Variants in ZFAND3 observed in about 807,000 individuals in gnomAD.
The protein encoded by ZFAND3 is AN1-type zinc finger protein 3.
ZFAND3 carries 10 observed loss-of-function variants against 29.6 expected under a neutral mutation model. The ratio of observed to expected loss-of-function variants is 0.34; its 90% confidence interval spans 0.21 to 0.57. ZFAND3 has a LOEUF of 0.57. Among genes scored for constraint, ZFAND3 ranks in the 20% least tolerant of loss-of-function variants. The probability of loss-of-function intolerance (pLI) is 0.86; values close to 1 mark genes in which losing one functional copy is unlikely to be tolerated. For missense variants in ZFAND3, 230 were observed against 304.5 expected (o/e 0.76, Z 1.82); for synonymous variants, 128 against 112.6 (o/e 1.14, Z -0.87).
At chr6:38,134,201 G>A (rs1196205827) in intron 5 of ZFAND3, among the ~76,000 whole-genome samples, 1 of 152,160 alleles carries the variant, frequency 6.6e-6, no homozygotes, top group Non-Finnish European at 1.5e-5. Flanking sequence ...TGGGTAATAT[G>A]AGACACAGTG....
At chr6:38,003,585 G>T in intron 2 of ZFAND3, 1 of 243,092 alleles carries the variant, frequency 4.1e-6, no homozygotes, top group Non-Finnish European at 8.3e-6. Context: ...TGCAACCCCT[G>T]CCTCTTGGGC....
In ZFAND3 at chr6:38,031,819, T is replaced by G. The variant is rs574857516; in HGVS notation, c.113-29774T>G. Among the ~76,000 whole-genome samples, 176 of 152,172 alleles carry G rather than the reference T, an allele frequency of 1.2e-3. 1 individual carries two copies. In the South Asian group the frequency reaches 0.012, roughly 10 times the overall value. On this transcript the variant is annotated intron_variant, in intron 2 of 5. Coordinates refer to ENST00000287218, the MANE Select transcript of ZFAND3 (RefSeq NM_021943.3). ...CATATGTAGACTCCAACTTACAGTTTCATATTCTGCCCCTCCCCCCCCGCC... is the reference window on the plus strand; with the variant it reads ...CATATGTAGACTCCAACTTACAGTTGCATATTCTGCCCCTCCCCCCCCGCC...
rs118091377 is a variant in ZFAND3, at chr6:37,941,918, T to C, written c.112+11919T>C. Among the ~76,000 whole-genome samples the C allele has an allele frequency of 6.3e-4, 96 of 152,350 alleles. 1 individual carries two copies. The East Asian group carries it at 0.013, about 21-fold the overall frequency. ...TGTGTATTTGCTCATTTGGAAACCT[T>C]GTATAGTTTATAGAGACACTAGTGA... On this transcript the variant is annotated intron_variant, in intron 2 of 5. Transcript: ENST00000287218.
intron 5 of ZFAND3, among the ~76,000 whole-genome samples, chr6:38,144,211 A>ATATATAAT (rs70981524): frequency 2.2e-5 from 1 of 45,880 alleles, no homozygotes. Flanking sequence ...ATATATATAT[A>ATATATAAT]ATATATAATA....
chr6:37,902,403 G>C (rs1765333985), intron 1 of ZFAND3, among the ~76,000 whole-genome samples: 1 of 152,158 alleles, frequency 6.6e-6, no homozygotes, highest in Admixed American at 6.6e-5. Flanking sequence ...AGAGGTTGAG[G>C]CTGCGGCTGT....
In ZFAND3 at chr6:38,087,377, A is replaced by ATG. The variant is rs1200334261; in HGVS notation, c.361+4921_361+4922insGT. ...TTAAACAGCTTCTGCACAGCAAAGA[A>ATG]TACAGCTAACAAAGTGAAGAGACAA... On this transcript the variant is annotated intron_variant, in intron 4 of 5. Coordinates refer to ENST00000287218, the MANE Select transcript of ZFAND3 (RefSeq NM_021943.3). Among the ~76,000 whole-genome samples the ATG allele has an allele frequency of 2.6e-5, 4 of 152,366 alleles. No individual in the cohort carries two copies. In the East Asian group the frequency reaches 7.7e-4, roughly 29 times the overall value.
chr6:37,839,871 A>G (rs1764040938), intron 1 of ZFAND3, among the ~76,000 whole-genome samples: 1 of 152,140 alleles, frequency 6.6e-6, no homozygotes, highest in Admixed American at 6.6e-5. Context: ...CAGGATTTGC[A>G]AATTTTTTTC....
At chr6:38,144,232 T>TATAATATATATATATATA (rs147631639) in intron 5 of ZFAND3, among the ~76,000 whole-genome samples, 4 of 48,294 alleles carry the variant, frequency 8.3e-5, no homozygotes, top group African/African-American at 5.0e-4. Flanking sequence ...TATATATATA[T>TATAATATATATATATATA]TTTTTTTTTA....
At chr6:38,133,237 C>T (rs1765776485) in intron 5 of ZFAND3, among the ~76,000 whole-genome samples, 1 of 152,314 alleles carries the variant, frequency 6.6e-6, no homozygotes, top group East Asian at 1.9e-4. Context: ...GTCCTTTCTC[C>T]AGACCATGAG....
At chr6:37,898,558 G>T in intron 1 of ZFAND3, among the ~76,000 whole-genome samples, 1 of 152,144 alleles carries the variant, frequency 6.6e-6, no homozygotes, top group South Asian at 2.1e-4. Context: ...CTGTGGTTTT[G>T]ATTGAAATTC....
intron 2 of ZFAND3, among the ~76,000 whole-genome samples, chr6:38,037,629 A>G (rs1269292916): frequency 6.6e-6 from 1 of 152,228 alleles, no homozygotes; most frequent in Non-Finnish European, 1.5e-5. Context: ...ATTCATGCCC[A>G]GAGTAGGAGA....
At chr6:37,908,756 A>AG (rs1765463225) in intron 1 of ZFAND3, among the ~76,000 whole-genome samples, 2 of 150,910 alleles carry the variant, frequency 1.3e-5, no homozygotes, top group South Asian at 2.1e-4. Flanking sequence ...AAAAAAAAAA[A>AG]AAAAGAAAAG....
chr6:37,939,912 C>T (rs556399543), intron 2 of ZFAND3, among the ~76,000 whole-genome samples: 16 of 152,088 alleles, frequency 1.1e-4, no homozygotes, highest in Non-Finnish European at 1.9e-4. Context: ...TGGTGGTGCA[C>T]GCCTGTAATC....
chr6:37,900,931 C>T (rs1765308485), intron 1 of ZFAND3, among the ~76,000 whole-genome samples: 1 of 152,042 alleles, frequency 6.6e-6, no homozygotes, highest in Non-Finnish European at 1.5e-5. Context: ...CTACAAGAAA[C>T]TGGTGGTTGC....
chr6:38,026,421 A>ATTTT lies in ZFAND3; in HGVS notation c.113-35149_113-35146dup, dbSNP rs10715149. Among the ~76,000 whole-genome samples, 118 of 74,874 alleles carry ATTTT rather than the reference A, an allele frequency of 1.6e-3. 8 individuals are homozygous for ATTTT. The highest frequency in any genetic ancestry group is 4.9e-3 in the African/African-American group (88 of 17,908). The allele number at this position is 74,874 out of a possible 152,430, so 49.1% of individuals were successfully genotyped here. A position where few individuals can be genotyped will look rare whatever the true frequency, so the allele number is the denominator to read the frequency against. On this transcript the variant is annotated intron_variant, in intron 2 of 5. Coordinates refer to ENST00000287218, the MANE Select transcript of ZFAND3 (RefSeq NM_021943.3). ...CATTTATTATTTGTATTACTTTAGG[A>ATTTT]TTTTTTTTTTTTTTTTTTTTTTTTT...
At chr6:37,899,404 T>C (rs970726574) in intron 1 of ZFAND3, among the ~76,000 whole-genome samples, 2 of 152,204 alleles carry the variant, frequency 1.3e-5, no homozygotes, top group African/African-American at 2.4e-5. Flanking sequence ...AATGTGATAT[T>C]AACCTATTAT....
chr6:38,091,298 T>G (rs1581909429), intron 4 of ZFAND3, among the ~76,000 whole-genome samples: 1 of 152,006 alleles, frequency 6.6e-6, no homozygotes, highest in East Asian at 1.9e-4. Flanking sequence ...CAGCTGGTTT[T>G]TTTTTTTAAT....
At chr6:38,057,100 T>G (rs1764146554) in intron 2 of ZFAND3, among the ~76,000 whole-genome samples, 1 of 152,182 alleles carries the variant, frequency 6.6e-6, no homozygotes, top group Non-Finnish European at 1.5e-5. Flanking sequence ...CTTGGAGACT[T>G]CTAGTTTTCT....
intron 5 of ZFAND3, among the ~76,000 whole-genome samples, chr6:38,132,200 T>C (rs1263978197): frequency 6.6e-6 from 1 of 152,188 alleles, no homozygotes; most frequent in Non-Finnish European, 1.5e-5. Flanking sequence ...TTTGTATTAG[T>C]ACTTGGACAT....
Sources: allele counts gnomAD v4.1 joint callset (sites outside exome capture counted in the v4.1 genomes callset), GRCh38; gene constraint gnomAD v4.1.1; transcripts MANE v1.5; gene names NCBI Gene and HGNC (gene_info 2026-07-23, HGNC 2026-07-21).